The following DNAH10 variants were observed in gnomAD, a reference collection of about 807,000 sequenced individuals.
The protein encoded by DNAH10 is axonemal beta dynein heavy chain 10.
In DNAH10, 348 loss-of-function variants were observed where a neutral mutation model predicts 506.6. The observed-to-expected ratio is 0.69, with a 90% CI of 0.63 to 0.75. The LOEUF (loss-of-function observed/expected upper bound fraction) is 0.75. Ranked by LOEUF, DNAH10 falls within the 30% of genes least tolerant of loss-of-function variation. DNAH10 has a pLI of 0.00. For synonymous variants in DNAH10, 2,059 were observed against 2,198.6 expected (o/e 0.94, Z 1.78); for missense variants, 5,179 against 5,787.1 (o/e 0.89, Z 3.41).
intron 10 of DNAH10, among the ~76,000 whole-genome samples, chr12:123,788,561 G>A (rs59341883): frequency 0.057 from 8,663 of 152,178 alleles, 419 homozygotes; most frequent in African/African-American, 0.14. Context: ...GTCCGGCTGC[G>A]GTGTGGCAGT....
In DNAH10 at chr12:123,931,817, G is replaced by A. The variant is rs559362288; in HGVS notation, c.13098G>A (p.Arg4366=). 7.0e-5 allele frequency: 113 copies of A among 1,614,034 alleles called. No homozygotes were observed. Among genetic ancestry groups the A allele is most frequent in the Admixed American group, 1.5e-4 (9 of 60,032 alleles). ...ELERFNKLVV[R]MTKSLAELQR... ...AACGCTTCAACAAGCTTGTGGTCCG[G>A]ATGACGAAGTCTCTGGCTGAACTTC... Residue 4366 remains arginine, a synonymous_variant, in exon 75 of 79, where the codon CGG becomes CGA. Coordinates refer to ENST00000673944, the MANE Select transcript of DNAH10 (RefSeq NM_001372106.1).
chr12:123,886,929 T>TC (rs1952760412), intron 51 of DNAH10, among the ~76,000 whole-genome samples: 1 of 152,126 alleles, frequency 6.6e-6, no homozygotes, highest in South Asian at 2.1e-4. Flanking sequence ...GGTACATTCT[T>TC]CCCCCCTTTC....
rs1950938371 is a variant in DNAH10 at position 123,846,036 on chromosome 12, A to C, written c.5696A>C (p.Asp1899Ala). The change falls in exon 32 of 79, where the codon GAT becomes GCT. Residue 1899 changes from aspartate to alanine, a missense_variant. Asp to Ala is a moderately radical substitution (Grantham distance 126). Coordinates refer to ENST00000673944, the MANE Select transcript of DNAH10 (RefSeq NM_001372106.1). This position sits in a 1 kb window ranked among gnomAD's most constrained non-coding sequence, Gnocchi z 4.5. ...CGGTTTTATTGGGACCGGGAGCCGG[A>C]TGAGCTGAACATCCGCCAGTGCACG... ...QLRFYWDREP[D>A]ELNIRQCTGT... 6.2e-7 allele frequency: 1 copy of C among 1,614,034 alleles called. No homozygotes were observed. Among genetic ancestry groups the C allele is most frequent in the Non-Finnish European group, 8.5e-7 (1 of 1,179,904 alleles).
intron 36 of DNAH10, among the ~76,000 whole-genome samples, chr12:123,856,708 A>T (rs1377799780): frequency 6.7e-6 from 1 of 148,294 alleles, no homozygotes; most frequent in Non-Finnish European, 1.5e-5. Flanking sequence ...TTTTATGTTT[A>T]ATCTCATGTA....
At chr12:123,840,459 CA>C (rs1180266574) in intron 29 of DNAH10, among the ~76,000 whole-genome samples, 2 of 118,168 alleles carry the variant, frequency 1.7e-5, no homozygotes, top group African/African-American at 6.7e-5. Flanking sequence ...GGTTGGAGTG[CA>C]GTGGTGTGAT....
intron 29 of DNAH10, among the ~76,000 whole-genome samples, chr12:123,839,614 A>G (rs938977935): frequency 6.6e-6 from 1 of 151,120 alleles, no homozygotes; most frequent in Non-Finnish European, 1.5e-5. Context: ...CAAATTTGCA[A>G]TACTTTTTGT....
At position 123,871,680 on chromosome 12, in the gene DNAH10, A is replaced by G. The variant is rs772048364; in HGVS notation, c.7785+78A>G. The G allele has an allele frequency of 9.5e-6, 14 of 1,474,164 alleles. No individual in the cohort carries two copies. In the East Asian group the frequency reaches 3.0e-4, roughly 31 times the overall value. 91.3% of individuals were successfully genotyped at this position (1,474,164 alleles called of 1,614,324 possible). On this transcript the variant is annotated intron_variant, in intron 45 of 78. Coordinates refer to ENST00000673944, the MANE Select transcript of DNAH10 (RefSeq NM_001372106.1). ...TGCATAGCAGCTTCATACCACAAGC[A>G]CTGTGATCTCACAGTTTCCGTGGGT...
At position 123,859,137 on chromosome 12, in the gene DNAH10, G is replaced by A. The variant is rs538848813; in HGVS notation, c.6631-13G>A. The A allele has an allele frequency of 6.2e-7, 1 of 1,601,946 alleles. No homozygotes were observed. The highest frequency in any genetic ancestry group is 1.3e-5 in the African/African-American group (1 of 74,836). ...ATAATGTTTTAGCCCAGCTGCCATT[G>A]TTTGTCCCGCAGGTGGATAAAGTGG... On this transcript the variant is annotated splice_polypyrimidine_tract_variant and intron_variant, in intron 37 of 78. Transcript: ENST00000673944.
At chr12:123,908,613 CTGT>C in intron 57 of DNAH10, 1 of 452,398 alleles carries the variant, frequency 2.2e-6, no homozygotes, top group South Asian at 1.6e-5. Flanking sequence ...GTTCTGTCTC[CTGT>C]TCCGTTGGCA....
chr12:123,909,531 G>A lies in DNAH10; in HGVS notation c.9997+89G>A. ...ACAGGGATGGAGGGCAAGGAGGCTT[G>A]TCGTGGGCAGGCCCTCCCCTTCTGG... On this transcript the variant is annotated intron_variant, in intron 58 of 78. Coordinates refer to ENST00000673944, the MANE Select transcript of DNAH10 (RefSeq NM_001372106.1). This position sits in a 1 kb window ranked among gnomAD's most constrained non-coding sequence, Gnocchi z 5.4. 1 of 1,441,866 alleles carries A rather than the reference G, an allele frequency of 6.9e-7. No individual in the cohort carries two copies. Among genetic ancestry groups the A allele is most frequent in the Non-Finnish European group, 9.2e-7 (1 of 1,085,152 alleles). The allele number at this position is 1,441,866 out of a possible 1,614,324, so 89.3% of individuals were successfully genotyped here.
chr12:123,879,049 C>G (rs546873420), intron 48 of DNAH10, among the ~76,000 whole-genome samples: 2 of 152,216 alleles, frequency 1.3e-5, no homozygotes, highest in South Asian at 4.1e-4. Context: ...GTAAGATAAG[C>G]TACGGATGAT....
intron 19 of DNAH10, among the ~76,000 whole-genome samples, chr12:123,809,684 A>ATC (rs370764752): frequency 6.6e-5 from 8 of 121,512 alleles, no homozygotes; most frequent in African/African-American, 3.5e-4. Context: ...ACAACATATC[A>ATC]TTTCGTGTCA....
chr12:123,778,203 T>TA (rs11295919), intron 5 of DNAH10, among the ~76,000 whole-genome samples: 7 of 145,484 alleles, frequency 4.8e-5, no homozygotes, highest in South Asian at 2.2e-4. Flanking sequence ...ACTCCATCTC[T>TA]AAAAAAAAAA....
chr12:123,799,425 C>A, intron 14 of DNAH10, 54 bp downstream of exon 14: 1 of 1,560,580 alleles, frequency 6.4e-7, no homozygotes. Flanking sequence ...TGGCGTCTGC[C>A]ACATTTTCTC....
chr12:123,832,175 A>C (rs1444529431), intron 26 of DNAH10, among the ~76,000 whole-genome samples: 1 of 152,196 alleles, frequency 6.6e-6, no homozygotes, highest in East Asian at 1.9e-4. Context: ...CATACAGTGT[A>C]CCTAATATAC....
In DNAH10 at chr12:123,863,180, G is replaced by A. The variant is rs938413056; in HGVS notation, c.6909-1415G>A. 1.2e-4 allele frequency among the ~76,000 whole-genome samples: 18 copies of A among 152,348 alleles called. 1 individual carries two copies. The highest frequency in any genetic ancestry group is 1.1e-3 in the Admixed American group (17 of 15,312). The stretch of plus-strand genomic sequence containing the variant: ...ATCAAACCACCATTTCAGCACAGTA[G>A]AATAGCCTCTGTCCTGTGGAGATGG... On this transcript the variant is annotated intron_variant, in intron 39 of 78. Coordinates refer to ENST00000673944, the MANE Select transcript of DNAH10 (RefSeq NM_001372106.1).
chr12:123,830,679 A>G lies in DNAH10; in HGVS notation c.4525A>G (p.Lys1509Glu). ...CAATGAGATTGTCACAGCAGCAATC[A>G]AGGAGGTTGCCATTGAGAAGGTAAG... Reference protein sequence around the residue: ...VLNEIVTAAIKEVAIEKAVKE... With the variant: ...VLNEIVTAAIEEVAIEKAVKE... The change falls in exon 26 of 79, where the codon AAG (lysine) becomes GAG (glutamate). Residue 1509 changes from lysine (K) to glutamate (E), a missense_variant. By Grantham distance (56) the Lys-to-Glu change is moderately conservative (BLOSUM62 1). Around this residue, in one of 3 missense-constraint regions of DNAH10, gnomAD observed 4,844 missense variants for 5,430.5 expected, o/e 0.89. Coordinates refer to ENST00000673944, the MANE Select transcript of DNAH10 (RefSeq NM_001372106.1). 3 of 1,611,910 alleles carry G rather than the reference A, an allele frequency of 1.9e-6. No individual in the cohort carries two copies. Among genetic ancestry groups the G allele is most frequent in the Non-Finnish European group, 2.5e-6 (3 of 1,179,084 alleles).
chr12:123,824,448 G>A lies in DNAH10; in HGVS notation c.4180-2239G>A, dbSNP rs117032946. Among the ~76,000 whole-genome samples the A allele has an allele frequency of 7.5e-3, 1,147 of 152,242 alleles. 8 individuals carry two copies. The highest frequency in any genetic ancestry group is 0.012 in the Non-Finnish European group (839 of 68,010). On this transcript the variant is annotated intron_variant, in intron 24 of 78. Coordinates refer to ENST00000673944, the MANE Select transcript of DNAH10 (RefSeq NM_001372106.1). ...GTGTGAATTGGGAGTGTCCAGGTGC[G>A]GAAGGTACTGAGCCACCAGTTCAGA...
rs189970260 is a variant in DNAH10, at chr12:123,786,119, A to G, written c.1421+183A>G. Among the ~76,000 whole-genome samples the G allele has an allele frequency of 5.6e-3, 855 of 152,184 alleles. 8 individuals are homozygous for G. The highest frequency in any genetic ancestry group is 0.054 in the Middle Eastern group (16 of 294). On this transcript the variant is annotated intron_variant, in intron 9 of 78. Coordinates refer to ENST00000673944, the MANE Select transcript of DNAH10 (RefSeq NM_001372106.1). ...GTAATCCCAGCACTTTGGGAGGCCG[A>G]GGTGGCGGATTGCTTGAGGCCAGAA...
Sources: allele counts gnomAD v4.1 joint callset (sites outside exome capture counted in the v4.1 genomes callset), GRCh38; gene constraint gnomAD v4.1.1; regional missense constraint gnomAD v4.1.1; non-coding constraint Gnocchi (gnomAD v3.1); transcripts MANE v1.5; gene names NCBI Gene and HGNC (gene_info 2026-07-23, HGNC 2026-07-21).